LINGO2: variants seen among roughly 807,000 people sequenced by gnomAD.
The protein encoded by LINGO2 is leucine-rich repeat and immunoglobulin-like domain-containing nogo receptor-interacting protein 2.
Under a neutral mutation model 30.6 loss-of-function variants are expected in LINGO2, and 14 were observed. The ratio of observed to expected loss-of-function variants is 0.46; its 90% CI spans 0.30 to 0.72. LINGO2 has a LOEUF of 0.72. LINGO2 is among the 30% of genes least tolerant of loss of function. LINGO2 has a pLI of 0.07. For synonymous variants in LINGO2, 317 were observed against 288.5 expected, an observed-to-expected ratio of 1.10 and a Z score of -1.00; for missense variants, 729 against 751.7, an observed-to-expected ratio of 0.97 and a Z score of 0.35.
chr9:28,432,096 T>A (rs538860291), intron 2 of LINGO2, among the ~76,000 whole-genome samples: 1 of 152,268 alleles, frequency 6.6e-6, no homozygotes, highest in Admixed American at 6.5e-5. Flanking sequence ...ATAAAAGCAC[T>A]GTAGGGTCAT....
intron 2 of LINGO2, among the ~76,000 whole-genome samples, chr9:28,423,668 A>C (rs13287015): frequency 0.34 from 51,273 of 151,878 alleles, 9,196 homozygotes; most frequent in Admixed American, 0.39. Context: ...TAAAATATTC[A>C]CATGTGAAGA....
At chr9:29,152,936 CAT>C in the LINGO2 span, among the ~76,000 whole-genome samples, 1 of 152,046 alleles carries the variant, frequency 6.6e-6, no homozygotes, top group African/African-American at 2.4e-5. Context: ...AGTGAAACAA[CAT>C]ATGTAAAAAT....
At chr9:28,689,498 C>A in the LINGO2 span, among the ~76,000 whole-genome samples, 2 of 151,346 alleles carry the variant, frequency 1.3e-5, no homozygotes, top group South Asian at 2.1e-4. Context: ...AAATCAAAAC[C>A]ACAATGAGAT....
the LINGO2 span, among the ~76,000 whole-genome samples, chr9:28,853,457 G>C: frequency 2.6e-5 from 4 of 152,012 alleles, no homozygotes; most frequent in Admixed American, 2.6e-4. Flanking sequence ...AGAATGCATT[G>C]CAGTTTGGTG....
intron 4 of LINGO2, among the ~76,000 whole-genome samples, chr9:28,021,642 T>C (rs1188294179): frequency 1.3e-5 from 2 of 152,150 alleles, no homozygotes; most frequent in Non-Finnish European, 2.9e-5. Flanking sequence ...TGGAATTTTA[T>C]CAGTTTTGCC....
In LINGO2 at chr9:28,272,262, C is replaced by T. The variant is rs370067080; in HGVS notation, c.-87+22946G>A. 8.1e-4 allele frequency among the ~76,000 whole-genome samples: 124 copies of T among 152,182 alleles called. 4 individuals carry two copies. In the South Asian group the frequency reaches 0.015, roughly 18 times the overall value. Reference sequence around the variant, plus strand: ...GGGAGAACAGATCGTGTTCCTCTTACGCCAAAAATACTTCAGGGGCCTCCC... The same window carrying T: ...GGGAGAACAGATCGTGTTCCTCTTATGCCAAAAATACTTCAGGGGCCTCCC... On this transcript the variant is annotated intron_variant, in intron 4 of 5. Coordinates refer to ENST00000379992, the Ensembl canonical transcript of LINGO2.
chr9:28,745,241 TTCAG>T, the LINGO2 span, among the ~76,000 whole-genome samples: 1 of 152,060 alleles, frequency 6.6e-6, no homozygotes, highest in Non-Finnish European at 1.5e-5. Context: ...GTACTTATTA[TTCAG>T]TCAGTGTGTG....
chr9:28,053,983 T>C (rs1824798811), intron 4 of LINGO2, among the ~76,000 whole-genome samples: 1 of 151,946 alleles, frequency 6.6e-6, no homozygotes, highest in Non-Finnish European at 1.5e-5. Flanking sequence ...CTGTGGTTAG[T>C]ATCAGTTACC....
chr9:28,107,057 CT>C (rs1826615970), intron 4 of LINGO2, among the ~76,000 whole-genome samples: 1 of 152,118 alleles, frequency 6.6e-6, no homozygotes. Context: ...AATTCCTTGG[CT>C]TCTTTGTTTT....
chr9:29,018,091 TTATA>T, the LINGO2 span, among the ~76,000 whole-genome samples: 4 of 23,234 alleles, frequency 1.7e-4, no homozygotes, highest in Admixed American at 6.1e-4. Context: ...AATATACATT[TTATA>T]TATATATATA....
the LINGO2 span, among the ~76,000 whole-genome samples, chr9:29,110,613 C>A: frequency 6.6e-6 from 1 of 151,954 alleles, no homozygotes; most frequent in Non-Finnish European, 1.5e-5. Context: ...GGATTACAGG[C>A]ATGAGCCACC....
At chr9:28,994,995 C>T in the LINGO2 span, among the ~76,000 whole-genome samples, 1 of 151,962 alleles carries the variant, frequency 6.6e-6, no homozygotes, top group African/African-American at 2.4e-5. Context: ...AAAGCAATGG[C>T]AACAAAAGCC....
chr9:28,814,413 G>A, the LINGO2 span, among the ~76,000 whole-genome samples: 2 of 152,118 alleles, frequency 1.3e-5, no homozygotes, highest in African/African-American at 4.8e-5. Flanking sequence ...CTCCAGCCGG[G>A]CGACAGAGCG....
the LINGO2 span, among the ~76,000 whole-genome samples, chr9:29,180,285 T>C: frequency 1.3e-5 from 2 of 152,340 alleles, no homozygotes; most frequent in South Asian, 4.1e-4. Flanking sequence ...TGAAACAAGA[T>C]TATCATCAAC....
chr9:28,047,509 G>A (rs544698769), intron 4 of LINGO2, among the ~76,000 whole-genome samples: 3 of 150,762 alleles, frequency 2.0e-5, no homozygotes, highest in African/African-American at 4.9e-5. Context: ...AATACAGGAC[G>A]GCAGTTAAGA....
At chr9:28,654,530 T>A (rs935124508) in intron 1 of LINGO2, among the ~76,000 whole-genome samples, 3 of 152,046 alleles carry the variant, frequency 2.0e-5, no homozygotes, top group Admixed American at 6.6e-5. Flanking sequence ...TATTCCTAAA[T>A]TGTAAATAAG....
intron 4 of LINGO2, among the ~76,000 whole-genome samples, chr9:28,223,264 T>G (rs1587261638): frequency 1.3e-5 from 2 of 152,218 alleles, no homozygotes; most frequent in East Asian, 3.9e-4. Context: ...GCAGGTTCAG[T>G]TGCCTGGTAA....
At chr9:28,941,348 A>G in the LINGO2 span, among the ~76,000 whole-genome samples, 1 of 152,298 alleles carries the variant, frequency 6.6e-6, no homozygotes, top group Admixed American at 6.5e-5. Flanking sequence ...AAAGCTGAGA[A>G]GAAACAAACG....
chr9:28,773,366 GAAAAAA>G, the LINGO2 span, among the ~76,000 whole-genome samples: 1 of 132,230 alleles, frequency 7.6e-6, no homozygotes, highest in Non-Finnish European at 1.6e-5. Flanking sequence ...CTCCATCTCA[GAAAAAA>G]AAAAAAAAAG....
Sources: allele counts gnomAD v4.1 joint callset (sites outside exome capture counted in the v4.1 genomes callset), GRCh38; gene constraint gnomAD v4.1.1; transcripts MANE v1.5; gene names NCBI Gene and HGNC (gene_info 2026-07-23, HGNC 2026-07-21).